Variants in THPO observed in about 807,000 individuals in gnomAD.
The protein encoded by THPO is MPL ligand.
A neutral mutation model predicts 17.0 loss-of-function variants in THPO; 12 were observed. The observed-to-expected ratio is 0.71, with a 90% confidence interval of 0.45 to 1.14. THPO has a LOEUF of 1.14. THPO is among the 50% of genes most tolerant of loss of function. The pLI is 0.00. For synonymous variants in THPO, 188 were observed against 183.0 expected (o/e 1.03, Z -0.22); for missense variants, 365 against 427.5 (o/e 0.85, Z 1.29).
Position 184,373,513 on chromosome 3 carries a change from C to A in THPO, c.298G>T (p.Gly100Ter), listed in dbSNP as rs201796235. The A allele has an allele frequency of 6.2e-7, 1 of 1,614,006 alleles. No individual in the cohort carries two copies. Among genetic ancestry groups the A allele is most frequent in the Non-Finnish European group, 8.5e-7 (1 of 1,180,030 alleles). ...GAGAGGCAAGTGGGTCCCAGTTGTC[C>A]CCGTGCTGCCATCACTCCCTCCAGC... The part of the protein sequence containing the change: ...LLLEGVMAAR[G>*]QLGPTCLSSL... Residue 100 changes from glycine to a stop codon, truncating the protein, a stop_gained, in exon 5 of 6, where the codon GGA becomes TGA. Coordinates refer to ENST00000647395, the MANE Select transcript of THPO (RefSeq NM_000460.4). LOFTEE classifies it high-confidence loss of function.
chr3:184,379,297 A>G (rs2855306), upstream of THPO, among the ~76,000 whole-genome samples: 42,599 of 151,838 alleles, frequency 0.28, 6,378 homozygotes, highest in Middle Eastern at 0.43. Context: ...ACCAAGAGAA[A>G]GGAGGCTGGG....
upstream of THPO, chr3:184,378,403 T>G (rs1036152968): frequency 1.4e-4 from 138 of 985,326 alleles, no homozygotes; most frequent in Non-Finnish European, 1.6e-4. Context: ...AGCAGAAGTT[T>G]TTTTCCAGGA....
At chr3:184,378,840 C>G, upstream of THPO, 1 of 985,424 alleles carries the variant, frequency 1.0e-6, no homozygotes, top group Non-Finnish European at 1.2e-6. Flanking sequence ...TTTGCTTGTT[C>G]TGTCTCCGTC....
At chr3:184,375,388 G>T in intron 4 of THPO, 127 bp downstream of exon 4, 3 of 918,680 alleles carry the variant, frequency 3.3e-6, no homozygotes, top group East Asian at 2.5e-5. Flanking sequence ...ATGTAGATTG[G>T]GTTAGGGTGG....
At chr3:184,378,260 C>T (rs771369737), upstream of THPO, 31 of 985,402 alleles carry the variant, frequency 3.1e-5, no homozygotes, top group Admixed American at 6.1e-5. Flanking sequence ...CCGGAAGTGA[C>T]GCCTTCTCTT....
At chr3:184,375,660 C>T (rs1714326236) in intron 3 of THPO, 59 bp from the exon 4 acceptor site, 1 of 1,580,342 alleles carries the variant, frequency 6.3e-7, no homozygotes, top group Admixed American at 1.7e-5. Context: ...CTATGGTAGC[C>T]TAATAAGCAG....
upstream of THPO, chr3:184,378,380 G>A (rs1444553722): frequency 2.6e-5 from 26 of 985,476 alleles, no homozygotes; most frequent in Non-Finnish European, 2.9e-5. Context: ...CCTGGGACCT[G>A]GAGGGGGACA....
intron 1 of THPO, among the ~76,000 whole-genome samples, chr3:184,377,420 G>T (rs2108625948): frequency 6.6e-6 from 1 of 152,286 alleles, no homozygotes; most frequent in South Asian, 2.1e-4. Flanking sequence ...GGCACCTGCT[G>T]GGTGATGCCC....
chr3:184,378,121 C>T lies in THPO; in HGVS notation c.-192G>A, dbSNP rs1490113434. ...ACCCAAGTGCACAGCAGGCAGCCCT[C>T]TGGGGAGCAGATGGGTAGGAAGACA... On this transcript the variant is annotated 5_prime_UTR_variant, in exon 1 of 6. Transcript: ENST00000647395. 3.0e-6 allele frequency: 3 copies of T among 985,536 alleles called. No homozygotes were observed. The highest frequency in any genetic ancestry group is 1.7e-5 in the African/African-American group (1 of 57,272). 61.0% of individuals were successfully genotyped at this position (985,536 alleles called of 1,614,324 possible).
intron 1 of THPO, among the ~76,000 whole-genome samples, chr3:184,376,682 G>T (rs930851862): frequency 5.9e-5 from 9 of 151,856 alleles, no homozygotes; most frequent in Non-Finnish European, 1.0e-4. Context: ...CCGGCTCTAC[G>T]AAATACAAAA....
rs757828255 is a variant in THPO, at chr3:184,375,581, G to A, written c.162C>T (p.His54=). The A allele has an allele frequency of 8.7e-6, 14 of 1,614,146 alleles. No homozygotes were observed. The highest frequency in any genetic ancestry group is 1.2e-5 in the Non-Finnish European group (14 of 1,180,010). Residue 54 remains histidine (H), a synonymous_variant, in exon 4 of 6, where the codon CAC becomes CAT. Transcript: ENST00000647395. ...HSRLSQCPEV[H]PLPTPVLLPA... ...GCAGCAGGACAGGTGTAGGCAAAGGGTGAACCTCTGGGCACTGGCTCTGTT... is the reference window on the plus strand; with the variant it reads ...GCAGCAGGACAGGTGTAGGCAAAGGATGAACCTCTGGGCACTGGCTCTGTT...
chr3:184,376,466 G>A (rs905229784), intron 1 of THPO, 62 bp from the exon 2 acceptor site: 25 of 1,443,330 alleles, frequency 1.7e-5, no homozygotes, highest in Admixed American at 2.6e-5. Context: ...GCCTGGCAGG[G>A]TGAACAGATG....
At chr3:184,373,266 C>T (rs1577356210) in intron 5 of THPO, 88 bp from the exon 6 acceptor site, 1 of 1,572,244 alleles carries the variant, frequency 6.4e-7, no homozygotes, top group Non-Finnish European at 8.7e-7. Context: ...GATGCCAGTA[C>T]CCAGGCATTG....
chr3:184,376,306 C>G lies in THPO; in HGVS notation c.-47G>C. The G allele has an allele frequency of 6.2e-7, 1 of 1,614,212 alleles. No homozygotes were observed. Among genetic ancestry groups the G allele is most frequent in the Non-Finnish European group, 8.5e-7 (1 of 1,180,034 alleles). ...GCGTGGCTCCCTGTTTGGGGCCTCT[C>G]CCCTGAATCCTTCCTGGGGCCATGG... is the stretch of plus-strand genomic sequence containing the variant. On this transcript the variant is annotated 5_prime_UTR_variant, in exon 2 of 6. Transcript: ENST00000647395.
intron 1 of THPO, 121 bp downstream of exon 1, chr3:184,377,954 T>C (rs936102946): frequency 2.6e-6 from 2 of 760,086 alleles, no homozygotes; most frequent in African/African-American, 1.9e-5. Context: ...GGCTACACTC[T>C]TCTCGACAAA....
rs1714354684 is a variant in THPO, at chr3:184,375,923, G to C, written c.106C>G (p.Leu36Val). Residue 36 changes from leucine (L) to valine (V), a missense_variant, in exon 3 of 6, where the codon CTG (leucine) becomes GTG (valine). Physicochemically the swap from Leu to Val is conservative, Grantham distance 32 (BLOSUM62 1). Transcript: ENST00000647395. ...TGAAGGACATGGGAGTCACGAAGCA[G>C]TTTACTGAGGACTCGGAGGTCACAA... ...PACDLRVLSK[L>V]LRDSHVLHSR... The C allele has an allele frequency of 6.2e-7, 1 of 1,613,648 alleles. No homozygotes were observed. Among genetic ancestry groups the C allele is most frequent in the Admixed American group, 1.7e-5 (1 of 59,990 alleles).
Position 184,372,501 on chromosome 3 carries a change from T to C in THPO, c.*12A>G. 6.2e-7 allele frequency: 1 copy of C among 1,614,002 alleles called. No homozygotes were observed. Among genetic ancestry groups the C allele is most frequent in the South Asian group, 1.1e-5 (1 of 91,068 alleles). On this transcript the variant is annotated 3_prime_UTR_variant, in exon 6 of 6. Coordinates refer to ENST00000647395, the MANE Select transcript of THPO (RefSeq NM_000460.4). Reference sequence around the variant, plus strand: ...CACGAGACAATGCTGATGTCGGCAGTGTCTGAGAACCTTACCCTTCCTGAG... The same window carrying C: ...CACGAGACAATGCTGATGTCGGCAGCGTCTGAGAACCTTACCCTTCCTGAG...
At chr3:184,373,230 C>T (rs1278640181) in intron 5 of THPO, 52 bp from the exon 6 acceptor site, 1 of 1,603,374 alleles carries the variant, frequency 6.2e-7, no homozygotes, top group Non-Finnish European at 8.5e-7. Flanking sequence ...GATCTCAGGC[C>T]TCCCTTGTCT....
intron 4 of THPO, among the ~76,000 whole-genome samples, 192 bp from the exon 5 acceptor site, chr3:184,373,774 C>T (rs1386262415): frequency 2.0e-5 from 3 of 152,204 alleles, no homozygotes; most frequent in Non-Finnish European, 4.4e-5. Flanking sequence ...CAAAAACTCC[C>T]GTGTCCTCTA....
Sources: gnomAD v4.1 joint callset for allele counts (sites outside exome capture counted in the v4.1 genomes callset) on GRCh38, gnomAD v4.1.1 for gene constraint, MANE v1.5 for transcripts, NCBI Gene and HGNC (gene_info 2026-07-23, HGNC 2026-07-21) for gene names.